Variants in ESR1 observed in about 807,000 individuals in gnomAD.
ESR1 encodes estrogen receptor.
A neutral mutation model predicts 52.7 loss-of-function variants in ESR1; 12 were observed. The ratio of observed to expected loss-of-function variants is 0.23; its 90% CI spans 0.15 to 0.37. The LOEUF (loss-of-function observed/expected upper bound fraction) is 0.37. Among genes scored for constraint, ESR1 ranks in the 10% least tolerant of loss-of-function variants. The pLI is 1.00. For missense variants in ESR1, 584 were observed against 779.7 expected, an observed-to-expected ratio of 0.75 and a Z score of 2.99; for synonymous variants, 305 against 316.8, an observed-to-expected ratio of 0.96 and a Z score of 0.39.
intron 6 of ESR1, among the ~76,000 whole-genome samples, chr6:152,078,224 C>T (rs1369969404): frequency 6.6e-6 from 1 of 152,152 alleles, no homozygotes; most frequent in Admixed American, 6.5e-5. Flanking sequence ...TTGCATCTTC[C>T]TCATTTTCTC....
chr6:151,705,260 A>C (rs2127990860), intron 2 of ESR1, among the ~76,000 whole-genome samples: 1 of 152,280 alleles, frequency 6.6e-6, no homozygotes. Context: ...TCCCATGCTG[A>C]CTTCTCTTCC....
At chr6:151,907,998 T>C (rs1270478971) in intron 3 of ESR1, among the ~76,000 whole-genome samples, 1 of 152,164 alleles carries the variant, frequency 6.6e-6, no homozygotes, top group African/African-American at 2.4e-5. Flanking sequence ...GGTGAATAAA[T>C]GAATGAATAT....
At chr6:151,981,346 T>G (rs2039975035) in intron 4 of ESR1, among the ~76,000 whole-genome samples, 1 of 152,176 alleles carries the variant, frequency 6.6e-6, no homozygotes, top group Admixed American at 6.5e-5. Flanking sequence ...TCGTTCATGG[T>G]CTTATTCACT....
chr6:151,895,394 C>G (rs1191818428), intron 3 of ESR1, among the ~76,000 whole-genome samples: 1 of 152,096 alleles, frequency 6.6e-6, no homozygotes, highest in Admixed American at 6.6e-5. Context: ...TTATTTCTTT[C>G]TCTTGTCTGC....
intron 2 of ESR1, among the ~76,000 whole-genome samples, chr6:151,750,338 T>C (rs552706042): frequency 6.6e-6 from 1 of 152,314 alleles, no homozygotes; most frequent in African/African-American, 2.4e-5. Flanking sequence ...AATAAATCGT[T>C]CTCAGCAATG....
intron 1 of ESR1, among the ~76,000 whole-genome samples, chr6:151,657,818 G>C (rs932394681): frequency 1.3e-5 from 2 of 151,780 alleles, no homozygotes; most frequent in Non-Finnish European, 2.9e-5. Context: ...GGGTTTTTTT[G>C]GATGTAAAAA....
At chr6:151,839,069 C>T (rs949116366) in intron 1 of ESR1, among the ~76,000 whole-genome samples, 2 of 152,100 alleles carry the variant, frequency 1.3e-5, no homozygotes, top group Non-Finnish European at 2.9e-5. Flanking sequence ...AAGTGAGGCA[C>T]TATGCTCTAA....
At chr6:152,014,002 A>C (rs2128790728) in intron 5 of ESR1, among the ~76,000 whole-genome samples, 1 of 152,188 alleles carries the variant, frequency 6.6e-6, no homozygotes, top group Admixed American at 6.5e-5. Flanking sequence ...AAACATAAGC[A>C]AAGGTCTTTC....
intron 3 of ESR1, among the ~76,000 whole-genome samples, chr6:151,941,112 T>A (rs1285120034): frequency 6.6e-6 from 1 of 152,240 alleles, no homozygotes; most frequent in African/African-American, 2.4e-5. Flanking sequence ...ATTTTTAAAG[T>A]ACTTTATTTT....
At chr6:151,842,925 G>A (rs537681066) in intron 2 of ESR1, 138 bp downstream of exon 2, 2 of 715,312 alleles carry the variant, frequency 2.8e-6, no homozygotes, top group South Asian at 1.7e-5. Flanking sequence ...AGTATCTTTG[G>A]TAGAAACATG....
intron 1 of ESR1, among the ~76,000 whole-genome samples, chr6:151,697,880 C>A (rs976354877): frequency 6.6e-6 from 1 of 152,146 alleles, no homozygotes; most frequent in Non-Finnish European, 1.5e-5. Context: ...AGGCAGATCA[C>A]CTGAGGTCAG....
chr6:152,127,776 A>C (rs2054019961), exon 7 of ESR1: 1 of 152,232 alleles, frequency 6.6e-6, no homozygotes, highest in Non-Finnish European at 1.5e-5. Context: ...ACTTCAAAAC[A>C]AATTCTACAA....
chr6:151,689,541 A>G (rs1429069073), upstream of ESR1, among the ~76,000 whole-genome samples: 1 of 152,260 alleles, frequency 6.6e-6, no homozygotes, highest in Non-Finnish European at 1.5e-5. Context: ...GACTGAAGAC[A>G]GTTAAGATCA....
chr6:152,101,663 T>C lies in ESR1; in HGVS notation c.*2697T>C. The C allele has an allele frequency of 4.3e-6, 1 of 231,170 alleles. No individual in the cohort carries two copies. Among genetic ancestry groups the C allele is most frequent in the Non-Finnish European group, 8.6e-6 (1 of 116,862 alleles). The allele number at this position is 231,170 out of a possible 1,614,324, so 14.3% of individuals were successfully genotyped here. A position where few individuals can be genotyped will look rare whatever the true frequency, so the allele number is the denominator to read the frequency against. On this transcript the variant is annotated 3_prime_UTR_variant, in exon 8 of 8. Transcript: ENST00000206249. ...GGAACATGATTTAAAAAAAAACTCT[T>C]GCCTCTGCTTTCCCCCACTCTGAGG... is the stretch of plus-strand genomic sequence containing the variant.
chr6:151,706,499 A>T (rs1011199965), intron 2 of ESR1, among the ~76,000 whole-genome samples: 1 of 152,016 alleles, frequency 6.6e-6, no homozygotes, highest in Non-Finnish European at 1.5e-5. Context: ...GGCAGGAGAG[A>T]GGTGGGAGGG....
chr6:151,884,483 A>G (rs371368732), intron 3 of ESR1, among the ~76,000 whole-genome samples: 2 of 152,230 alleles, frequency 1.3e-5, no homozygotes, highest in East Asian at 3.8e-4. Context: ...TTGAAACTCT[A>G]CCTATGAAAT....
At chr6:151,781,440 C>T (rs1352830935) in intron 2 of ESR1, among the ~76,000 whole-genome samples, 4 of 152,218 alleles carry the variant, frequency 2.6e-5, no homozygotes, top group Non-Finnish European at 4.4e-5. Context: ...CAGGCACCAC[C>T]TTTTAATACT....
chr6:151,701,529 C>CAAAAAAAAAAAAAA (rs57589542), intron 1 of ESR1, among the ~76,000 whole-genome samples: 1 of 89,398 alleles, frequency 1.1e-5, no homozygotes, highest in Non-Finnish European at 2.1e-5. Flanking sequence ...CACTACATCT[C>CAAAAAAAAAAAAAA]AAAAAAAAAA....
At chr6:151,825,803 C>T (rs117431601) in intron 1 of ESR1, among the ~76,000 whole-genome samples, 9,286 of 145,032 alleles carry the variant, frequency 0.064, 450 homozygotes, top group Non-Finnish European at 0.093. Flanking sequence ...TCGAGCTCTT[C>T]GGGAGGCTGA....
Sources: allele counts gnomAD v4.1 joint callset (sites outside exome capture counted in the v4.1 genomes callset), GRCh38; gene constraint gnomAD v4.1.1; transcripts MANE v1.5; gene names NCBI Gene and HGNC (gene_info 2026-07-23, HGNC 2026-07-21).